Variants in CBX5 observed in about 807,000 individuals in gnomAD.
CBX5 encodes the protein chromobox 5.
Under a neutral mutation model 20.7 loss-of-function variants are expected in CBX5, and 7 were observed. The ratio of observed to expected loss-of-function variants is 0.34; its 90% CI spans 0.19 to 0.63. The LOEUF (loss-of-function observed/expected upper bound fraction) is 0.63, where lower values mean the gene tolerates loss of function less well. CBX5 is among the 30% of genes least tolerant of loss of function. CBX5 has a pLI of 0.75. For synonymous variants in CBX5, 78 were observed against 77.0 expected (o/e 1.01, Z -0.07); for missense variants, 110 against 224.1 (o/e 0.49, Z 3.25).
intron 1 of CBX5, among the ~76,000 whole-genome samples, chr12:54,259,986 T>C (rs375660991): frequency 2.6e-5 from 4 of 152,068 alleles, no homozygotes; most frequent in African/African-American, 9.7e-5. Context: ...CAGAGCACTT[T>C]GGGCAATCCC....
intron 4 of CBX5, 98 bp downstream of exon 4, chr12:54,246,017 T>C: frequency 1.2e-6 from 1 of 811,320 alleles, no homozygotes; most frequent in East Asian, 2.5e-5. Flanking sequence ...TCAAAATTCA[T>C]GGTTTGGGAA....
chr12:54,267,107 A>AC (rs1943964633), intron 1 of CBX5, among the ~76,000 whole-genome samples: 1 of 152,222 alleles, frequency 6.6e-6, no homozygotes. Flanking sequence ...TGTTAATCTC[A>AC]CATCCACTCC....
chr12:54,244,994 T>TTA (rs531895202), intron 4 of CBX5, among the ~76,000 whole-genome samples: 144 of 151,256 alleles, frequency 9.5e-4, no homozygotes, highest in African/African-American at 3.1e-3. Flanking sequence ...AAGTCATGTT[T>TTA]TATATATATA....
intron 1 of CBX5, among the ~76,000 whole-genome samples, chr12:54,275,639 T>C (rs1944056941): frequency 6.6e-6 from 1 of 152,116 alleles, no homozygotes; most frequent in African/African-American, 2.4e-5. Flanking sequence ...TCTGTGATAG[T>C]ACCAGAATTT....
chr12:54,260,089 A>G (rs1943901496), intron 1 of CBX5, among the ~76,000 whole-genome samples: 1 of 151,136 alleles, frequency 6.6e-6, no homozygotes, highest in Admixed American at 6.6e-5. Context: ...AAGACACTAT[A>G]TAACTTTCCT....
intron 4 of CBX5, among the ~76,000 whole-genome samples, chr12:54,244,682 G>A (rs1276358972): frequency 6.6e-6 from 1 of 151,988 alleles, no homozygotes; most frequent in Non-Finnish European, 1.5e-5. Flanking sequence ...AGATTGCAGT[G>A]AGCCAAGATC....
intron 3 of CBX5, 109 bp downstream of exon 3, chr12:54,251,932 T>C: frequency 1.1e-6 from 1 of 931,632 alleles, no homozygotes; most frequent in Non-Finnish European, 1.5e-6. Context: ...CAATTTACCT[T>C]ATAGGTCCAT....
At chr12:54,279,766 G>A (rs1944114334) in intron 1 of CBX5, among the ~76,000 whole-genome samples, 1 of 152,112 alleles carries the variant, frequency 6.6e-6, no homozygotes, top group African/African-American at 2.4e-5. Context: ...CCGATCAGTC[G>A]GCAGCTCAAG....
At chr12:54,268,269 G>A (rs1233106888) in intron 1 of CBX5, among the ~76,000 whole-genome samples, 1 of 152,188 alleles carries the variant, frequency 6.6e-6, no homozygotes, top group Non-Finnish European at 1.5e-5. Flanking sequence ...GGTGATGACA[G>A]GAGAAACAAA....
chr12:54,270,447 A>AT (rs991498527), intron 1 of CBX5, among the ~76,000 whole-genome samples: 1 of 151,524 alleles, frequency 6.6e-6, no homozygotes, highest in Non-Finnish European at 1.5e-5. Flanking sequence ...ATACTTTTTA[A>AT]TTTTTTCTAG....
At position 54,233,733 on chromosome 12, in the gene CBX5, C is replaced by T. The variant is rs541622055; in HGVS notation, c.*8022G>A. 84 of 152,076 alleles carry T rather than the reference C, an allele frequency of 5.5e-4. No individual in the cohort carries two copies. Among genetic ancestry groups the T allele is most frequent in the African/African-American group, 1.8e-3 (76 of 41,462 alleles). The allele number at this position is 152,076 out of a possible 1,614,324, so 9.4% of individuals were successfully genotyped here. ...ATCACTTGAGCTCACGAGTTGGAGA[C>T]CAGCCTGGGCAACACAGGGAGACTG... is the stretch of plus-strand genomic sequence containing the variant. On this transcript the variant is annotated 3_prime_UTR_variant, in exon 5 of 5. Transcript: ENST00000209875.
Position 54,238,251 on chromosome 12 carries a change from A to C in CBX5, c.*3504T>G, listed in dbSNP as rs895654879. On this transcript the variant is annotated 3_prime_UTR_variant, in exon 5 of 5. Coordinates refer to ENST00000209875, the MANE Select transcript of CBX5 (RefSeq NM_012117.3). ...TAGGATCAAGACAAGAAGAAGACAGACAATCACTTTGGAATTCTGAGACTA... is the reference window on the plus strand; with the variant it reads ...TAGGATCAAGACAAGAAGAAGACAGCCAATCACTTTGGAATTCTGAGACTA... The C allele has an allele frequency of 2.6e-5, 4 of 152,198 alleles. No individual in the cohort carries two copies. Among genetic ancestry groups the C allele is most frequent in the African/African-American group, 9.7e-5 (4 of 41,450 alleles). 9.4% of individuals were successfully genotyped at this position (152,198 alleles called of 1,614,324 possible). A position where few individuals can be genotyped will look rare whatever the true frequency, so the allele number is the denominator to read the frequency against.
intron 2 of CBX5, among the ~76,000 whole-genome samples, chr12:54,252,823 A>G (rs964229178): frequency 6.6e-6 from 1 of 152,006 alleles, no homozygotes; most frequent in Non-Finnish European, 1.5e-5. Context: ...TGTCTCTACT[A>G]AAATTACAAA....
chr12:54,278,874 TAAAGA>T (rs980887343), intron 1 of CBX5: 23 of 152,036 alleles, frequency 1.5e-4, no homozygotes, highest in African/African-American at 5.6e-4. Context: ...TTCAATGGTG[TAAAGA>T]AAAGAAATAT....
At chr12:54,243,534 C>T (rs138770410) in intron 4 of CBX5, among the ~76,000 whole-genome samples, 2 of 152,166 alleles carry the variant, frequency 1.3e-5, no homozygotes, top group East Asian at 3.9e-4. Context: ...GCACTCCAGC[C>T]TGGGTGACAG....
intron 1 of CBX5, among the ~76,000 whole-genome samples, chr12:54,263,770 AAAAAAAAAAAAAAGAAAAGAAAAAAG>A (rs1417774169): frequency 1.3e-5 from 2 of 149,330 alleles, no homozygotes; most frequent in African/African-American, 2.5e-5. Context: ...CTCAAAAAAA[AAAAAAAAAAAAAAGAAAAGAAAAAAG>A]AAAAAAAAAG....
rs1162068788 is a variant in CBX5 at position 54,239,908 on chromosome 12, G to A, written c.*1847C>T. On this transcript the variant is annotated 3_prime_UTR_variant, in exon 5 of 5. Coordinates refer to ENST00000209875, the MANE Select transcript of CBX5 (RefSeq NM_012117.3). ...CAATGTTAACAAATGCTATGAATGG[G>A]TATATGATTTGCATATTATGTGGCT... The A allele has an allele frequency of 1.3e-5, 2 of 152,198 alleles. No homozygotes were observed. The highest frequency in any genetic ancestry group is 1.3e-4 in the Admixed American group (2 of 15,282). The allele number at this position is 152,198 out of a possible 1,614,324, so 9.4% of individuals were successfully genotyped here. A position where few individuals can be genotyped will look rare whatever the true frequency, so the allele number is the denominator to read the frequency against.
rs1327185773 is a variant in CBX5 at position 54,233,592 on chromosome 12, A to G, written c.*8163T>C. The G allele has an allele frequency of 2.0e-5, 3 of 152,230 alleles. No individual in the cohort carries two copies. Among genetic ancestry groups the G allele is most frequent in the Non-Finnish European group, 4.4e-5 (3 of 68,062 alleles). The allele number at this position is 152,230 out of a possible 1,614,324, so 9.4% of individuals were successfully genotyped here. The stretch of plus-strand genomic sequence containing the variant: ...AGCAGCCAGTGTAGGAAGTCCCCAC[A>G]TACAACAGAAACTCAAAAGATGATT... On this transcript the variant is annotated 3_prime_UTR_variant, in exon 5 of 5. Transcript: ENST00000209875.
intron 3 of CBX5, among the ~76,000 whole-genome samples, chr12:54,250,916 G>A (rs1192989418): frequency 6.6e-6 from 1 of 151,006 alleles, no homozygotes; most frequent in Admixed American, 6.6e-5. Context: ...TGGATCACAA[G>A]GTAAGGGGTT....
Sources: allele counts gnomAD v4.1 joint callset (sites outside exome capture counted in the v4.1 genomes callset), GRCh38; gene constraint gnomAD v4.1.1; transcripts MANE v1.5; gene names NCBI Gene and HGNC (gene_info 2026-07-23, HGNC 2026-07-21).